The following CHST10 variants were observed in gnomAD, a reference collection of about 807,000 sequenced individuals.
The protein encoded by CHST10 is HNK-1 sulfotransferase.
In CHST10, 24 loss-of-function variants were observed where a neutral mutation model predicts 34.7. The observed-to-expected ratio is 0.69, with a 90% CI of 0.50 to 0.97. The LOEUF is 0.97. Ranked by LOEUF, CHST10 falls within the 50% of genes least tolerant of loss-of-function variation. The pLI, the probability that CHST10 is intolerant of heterozygous loss-of-function variation, is 0.00. For missense variants in CHST10, 402 were observed against 452.1 expected (o/e 0.89, Z 1.00); for synonymous variants, 161 against 169.3 (o/e 0.95, Z 0.38).
At chr2:100,405,291 G>A (rs1188266216) in intron 3 of CHST10, among the ~76,000 whole-genome samples, 1 of 152,212 alleles carries the variant, frequency 6.6e-6, no homozygotes, top group African/African-American at 2.4e-5. Context: ...TCCCGAGGCT[G>A]TGCAGACCTC....
intron 2 of CHST10, 52 bp downstream of exon 2, chr2:100,414,989 T>C: frequency 1.6e-6 from 2 of 1,222,346 alleles, no homozygotes; most frequent in Non-Finnish European, 2.2e-6. Flanking sequence ...GCAGGAACAA[T>C]ACTGAATGGC....
At chr2:100,409,154 C>T (rs568267807) in intron 2 of CHST10, among the ~76,000 whole-genome samples, 2 of 152,324 alleles carry the variant, frequency 1.3e-5, no homozygotes, top group Non-Finnish European at 2.9e-5. Context: ...TCATTCCCTC[C>T]AGGCTTCCAA....
rs200236600 is a variant in CHST10 at position 100,395,648 on chromosome 2, T to C, written c.428-34A>G. 1.9e-5 allele frequency: 30 copies of C among 1,573,176 alleles called. No individual in the cohort carries two copies. The African/African-American group carries it at 3.0e-4, about 16-fold the overall frequency. ...TAAACGGAAAGGAAGGCAGGTTGGC[T>C]GCTCCAGTACGCCCCTTAGAGAAGG... is the stretch of plus-strand genomic sequence containing the variant. On this transcript the variant is annotated intron_variant, in intron 5 of 6. Coordinates refer to ENST00000264249, the MANE Select transcript of CHST10 (RefSeq NM_004854.5).
At chr2:100,399,385 G>A (rs1323568165) in intron 4 of CHST10, among the ~76,000 whole-genome samples, 2 of 152,134 alleles carry the variant, frequency 1.3e-5, no homozygotes, top group Non-Finnish European at 2.9e-5. Context: ...GATTACAGGC[G>A]TAAGCCACCA....
At chr2:100,405,935 C>T (rs1040889277) in intron 3 of CHST10, among the ~76,000 whole-genome samples, 5 of 152,068 alleles carry the variant, frequency 3.3e-5, no homozygotes, top group Admixed American at 1.3e-4. Context: ...TGGGCGGTGC[C>T]GGAGCAGGCA....
intron 5 of CHST10, among the ~76,000 whole-genome samples, 186 bp from the exon 6 acceptor site, chr2:100,395,800 A>G (rs1675032069): frequency 6.6e-6 from 1 of 152,226 alleles, no homozygotes; most frequent in African/African-American, 2.4e-5. Flanking sequence ...GAACGAGTGA[A>G]GAAAAGCTTC....
At chr2:100,395,418 G>A in intron 6 of CHST10, 91 bp downstream of exon 6, 2 of 1,136,710 alleles carry the variant, frequency 1.8e-6, no homozygotes, top group Non-Finnish European at 2.6e-6. Flanking sequence ...CGATCAATCT[G>A]CCAAGTACAG....
intron 4 of CHST10, among the ~76,000 whole-genome samples, chr2:100,401,385 T>C (rs1675334823): frequency 6.6e-6 from 1 of 152,142 alleles, no homozygotes; most frequent in Admixed American, 6.5e-5. Flanking sequence ...GTCTTTTTAT[T>C]TGCAATGACT....
At chr2:100,415,498 AC>A (rs1189397923) in intron 1 of CHST10, among the ~76,000 whole-genome samples, 2 of 152,180 alleles carry the variant, frequency 1.3e-5, no homozygotes, top group Non-Finnish European at 1.5e-5. Context: ...CACCTTTAGC[AC>A]CTGGAAAATT....
At chr2:100,398,189 G>T in intron 4 of CHST10, 47 bp from the exon 5 acceptor site, 1 of 1,418,086 alleles carries the variant, frequency 7.1e-7, no homozygotes, top group Non-Finnish European at 9.7e-7. Flanking sequence ...ATTAAAGGAG[G>T]CAGGACCGGG....
intron 2 of CHST10, 111 bp from the exon 3 acceptor site, chr2:100,406,818 GT>G: frequency 7.4e-7 from 1 of 1,358,140 alleles, no homozygotes; most frequent in Non-Finnish European, 9.9e-7. Flanking sequence ...AAATATTTCC[GT>G]TTTTTTCCAC....
Position 100,392,445 on chromosome 2 carries a change from G to C in CHST10, c.*800C>G, listed in dbSNP as rs1042987894. ...AAGCCCAACCAGCGCCCCCATTCCT[G>C]GGCCATGGTCCTTTTAAGGCCCTCA... On this transcript the variant is annotated 3_prime_UTR_variant, in exon 7 of 7. Transcript: ENST00000264249. 6.6e-6 allele frequency: 1 copy of C among 152,276 alleles called. No individual in the cohort carries two copies. Among genetic ancestry groups the C allele is most frequent in the Non-Finnish European group, 1.5e-5 (1 of 68,164 alleles). 9.4% of individuals were successfully genotyped at this position (152,276 alleles called of 1,614,324 possible).
intron 2 of CHST10, 97 bp from the exon 3 acceptor site, chr2:100,406,804 G>A (rs1675601045): frequency 6.8e-7 from 1 of 1,474,272 alleles, no homozygotes; most frequent in Non-Finnish European, 9.1e-7. Flanking sequence ...GTAAGTATCA[G>A]CACAAATATT....
chr2:100,414,049 A>C (rs1408054559), intron 2 of CHST10, among the ~76,000 whole-genome samples: 5 of 152,190 alleles, frequency 3.3e-5, no homozygotes, highest in African/African-American at 1.2e-4. Flanking sequence ...TGATCAATGT[A>C]TATGATCAAG....
At chr2:100,413,289 C>T (rs1219653869) in intron 2 of CHST10, among the ~76,000 whole-genome samples, 4 of 152,198 alleles carry the variant, frequency 2.6e-5, no homozygotes, top group Admixed American at 6.5e-5. Flanking sequence ...AGCCCCTACA[C>T]GCCCTCCCTT....
chr2:100,400,520 G>A (rs920101956), intron 4 of CHST10, among the ~76,000 whole-genome samples: 2 of 152,128 alleles, frequency 1.3e-5, no homozygotes, highest in African/African-American at 4.8e-5. Context: ...GATTATAGGC[G>A]TAAGCCACCA....
intron 3 of CHST10, 128 bp downstream of exon 3, chr2:100,406,448 T>C: frequency 8.9e-7 from 1 of 1,121,778 alleles, no homozygotes; most frequent in Non-Finnish European, 1.3e-6. Flanking sequence ...GGCCATGACC[T>C]CCAAGGTCCC....
chr2:100,397,131 A>G (rs571444885), intron 5 of CHST10, among the ~76,000 whole-genome samples: 1 of 152,144 alleles, frequency 6.6e-6, no homozygotes, highest in Non-Finnish European at 1.5e-5. Flanking sequence ...CCGATTTCTG[A>G]CCCAGGAGTC....
At chr2:100,410,171 G>A (rs1321560270) in intron 2 of CHST10, among the ~76,000 whole-genome samples, 1 of 152,250 alleles carries the variant, frequency 6.6e-6, no homozygotes, top group Non-Finnish European at 1.5e-5. Context: ...CCTGTGGGCA[G>A]TCACTGCGGG....
Sources: allele counts gnomAD v4.1 joint callset (sites outside exome capture counted in the v4.1 genomes callset), GRCh38; gene constraint gnomAD v4.1.1; transcripts MANE v1.5; gene names NCBI Gene and HGNC (gene_info 2026-07-23, HGNC 2026-07-21).